The following PDPR variants were observed in gnomAD, a reference collection of about 807,000 sequenced individuals.
PDPR encodes pyruvate dehydrogenase phosphatase regulatory subunit, mitochondrial.
Under a neutral mutation model 102.2 loss-of-function variants are expected in PDPR, and 50 were observed. That is an observed-to-expected ratio of 0.49 (90% CI 0.39 to 0.62). The LOEUF (loss-of-function observed/expected upper bound fraction) is 0.62. Among genes scored for constraint, PDPR ranks in the 20% least tolerant of loss-of-function variants. The pLI is 0.00. For missense variants in PDPR, 625 were observed against 1,098.2 expected (o/e 0.57, Z 6.09); for synonymous variants, 259 against 406.0 (o/e 0.64, Z 4.35).
chr16:70,123,046 T>C (rs1273852021), intron 3 of PDPR, among the ~76,000 whole-genome samples: 1 of 152,040 alleles, frequency 6.6e-6, no homozygotes, highest in Non-Finnish European at 1.5e-5. Flanking sequence ...GATTAATAGT[T>C]GCATGCCACC....
In PDPR at chr16:70,157,339, G is replaced by A. The variant is rs1967333326; in HGVS notation, c.*460G>A. On this transcript the variant is annotated 3_prime_UTR_variant, in exon 19 of 19. Transcript: ENST00000288050. ...GTTGCCGTGTGTCGGATGCAGCCCT[G>A]AGGGGCAGCTCGTGCCTGCAGCCCG... 2 of 384,250 alleles carry A rather than the reference G, an allele frequency of 5.2e-6. No homozygotes were observed. Among genetic ancestry groups the A allele is most frequent in the Non-Finnish European group, 1.0e-5 (2 of 195,420 alleles). The allele number at this position is 384,250 out of a possible 1,614,324, so 23.8% of individuals were successfully genotyped here. A position where few individuals can be genotyped will look rare whatever the true frequency, so the allele number is the denominator to read the frequency against.
upstream of PDPR, chr16:70,114,159 G>C (rs1045325897): frequency 6.6e-6 from 1 of 152,228 alleles, no homozygotes; most frequent in African/African-American, 2.4e-5. Flanking sequence ...TGCCTCGCGA[G>C]ACCCAAACAA....
intron 3 of PDPR, among the ~76,000 whole-genome samples, chr16:70,122,176 A>G (rs575813173): frequency 1.3e-5 from 2 of 152,340 alleles, no homozygotes; most frequent in East Asian, 1.9e-4. Context: ...TAGTAGAGAC[A>G]GGATTTCACC....
chr16:70,162,772 G>A (rs1435830103), downstream of PDPR, among the ~76,000 whole-genome samples: 2 of 152,274 alleles, frequency 1.3e-5, no homozygotes, highest in African/African-American at 2.4e-5. Context: ...TCTGCCTACA[G>A]CTGACCTCAG....
intron 1 of PDPR, 77 bp from the exon 2 acceptor site, chr16:70,114,744 C>G (rs932390501): frequency 2.0e-5 from 3 of 152,420 alleles, no homozygotes; most frequent in African/African-American, 7.2e-5. Flanking sequence ...ACCTCGGGCT[C>G]CCCCGTCTCG....
At chr16:70,134,550 T>C (rs1057328763) in intron 9 of PDPR, among the ~76,000 whole-genome samples, 7 of 147,128 alleles carry the variant, frequency 4.8e-5, no homozygotes, top group Admixed American at 3.4e-4. Context: ...CCCAGCACTT[T>C]GGGAGGCCAA....
At chr16:70,122,846 T>TACACACACACACAC (rs1437017547) in intron 3 of PDPR, among the ~76,000 whole-genome samples, 1 of 61,234 alleles carries the variant, frequency 1.6e-5, no homozygotes, top group Non-Finnish European at 3.9e-5. Flanking sequence ...TATATCTGTA[T>TACACACACACACAC]ACACACATAC....
In PDPR at chr16:70,142,274, G is replaced by T; in HGVS notation, c.1356G>T (p.Gln452His). The change falls in exon 12 of 19, where the codon CAG (glutamine) becomes CAT (histidine). Residue 452 changes from glutamine to histidine, a missense_variant. Coordinates refer to ENST00000288050, the MANE Select transcript of PDPR (RefSeq NM_017990.5). ...YDLKVPRWDF[Q>H]TGRQLRTSPL... ...TGAAGGTTCCCCGCTGGGACTTCCA[G>T]ACCGGTAGGCAGTTACGCACCTCTC... The T allele has an allele frequency of 6.2e-7, 1 of 1,614,046 alleles. No homozygotes were observed. Among genetic ancestry groups the T allele is most frequent in the East Asian group, 2.2e-5 (1 of 44,890 alleles).
Position 70,158,700 on chromosome 16 carries a change from T to A in PDPR, c.*1821T>A, listed in dbSNP as rs1205081698. On this transcript the variant is annotated 3_prime_UTR_variant, in exon 19 of 19. Coordinates refer to ENST00000288050, the MANE Select transcript of PDPR (RefSeq NM_017990.5). ...TCTAGGCAGAGAGGAGGAGAGGTGT[T>A]GCCGGCTGGAGGGCCAACCAGTGAA... is the stretch of plus-strand genomic sequence containing the variant. 1.3e-5 allele frequency: 2 copies of A among 153,220 alleles called. No individual in the cohort carries two copies. Among genetic ancestry groups the A allele is most frequent in the African/African-American group, 2.4e-5 (1 of 41,502 alleles). 9.5% of individuals were successfully genotyped at this position (153,220 alleles called of 1,614,324 possible). A position where few individuals can be genotyped will look rare whatever the true frequency, so the allele number is the denominator to read the frequency against.
chr16:70,140,364 C>CA (rs1375238689), intron 11 of PDPR, among the ~76,000 whole-genome samples: 2 of 152,376 alleles, frequency 1.3e-5, no homozygotes, highest in Admixed American at 6.5e-5. Flanking sequence ...AATACAAAAT[C>CA]AAAGTTTTTT....
At chr16:70,149,497 C>T (rs541503035) in intron 17 of PDPR, among the ~76,000 whole-genome samples, 1 of 152,228 alleles carries the variant, frequency 6.6e-6, no homozygotes, top group Non-Finnish European at 1.5e-5. Context: ...AACTCCTGAC[C>T]TCAAGTGGTC....
intron 9 of PDPR, among the ~76,000 whole-genome samples, chr16:70,134,563 C>G (rs1378156823): frequency 6.7e-6 from 1 of 148,452 alleles, no homozygotes; most frequent in Admixed American, 6.8e-5. Flanking sequence ...GAGGCCAAGG[C>G]GGGCAGATCG....
At chr16:70,135,102 C>G (rs1176206655) in intron 9 of PDPR, among the ~76,000 whole-genome samples, 3 of 152,218 alleles carry the variant, frequency 2.0e-5, no homozygotes, top group Admixed American at 6.5e-5. Context: ...TGATGAGCCC[C>G]CATGTACCCA....
At position 70,123,203 on chromosome 16, in the gene PDPR, G is replaced by A. The variant is rs147467374; in HGVS notation, c.227+2484G>A. ...AGGCATGAGCCACCGTGCCCGGCCC[G>A]CAGTGGATACTTTTAAGAGCAAAAG... On this transcript the variant is annotated intron_variant, in intron 3 of 18. Coordinates refer to ENST00000288050, the MANE Select transcript of PDPR (RefSeq NM_017990.5). Among the ~76,000 whole-genome samples, 7 of 152,248 alleles carry A rather than the reference G, an allele frequency of 4.6e-5. No homozygotes were observed. The East Asian group carries it at 1.2e-3, about 25-fold the overall frequency.
chr16:70,125,708 C>T (rs1185500053), intron 3 of PDPR, among the ~76,000 whole-genome samples: 2 of 152,180 alleles, frequency 1.3e-5, no homozygotes, highest in Non-Finnish European at 1.5e-5. Flanking sequence ...AGCCTCAGCT[C>T]CTGCAACCTC....
chr16:70,145,345 C>T (rs1257117762), intron 15 of PDPR, among the ~76,000 whole-genome samples: 1 of 152,248 alleles, frequency 6.6e-6, no homozygotes, highest in African/African-American at 2.4e-5. Context: ...ACCATGTTGG[C>T]CAGGCTGGTC....
intron 17 of PDPR, among the ~76,000 whole-genome samples, chr16:70,152,739 G>A (rs1475776637): frequency 4.6e-5 from 7 of 152,396 alleles, no homozygotes; most frequent in East Asian, 1.9e-4. Flanking sequence ...ACTTAACAGC[G>A]TATGTTCAGA....
intron 2 of PDPR, among the ~76,000 whole-genome samples, chr16:70,116,538 C>G (rs1962650602): frequency 7.1e-6 from 1 of 141,046 alleles, no homozygotes; most frequent in Non-Finnish European, 1.5e-5. Flanking sequence ...GAGCCCCTCT[C>G]TACAAAAAAA....
chr16:70,151,584 G>A (rs566749001), intron 17 of PDPR, among the ~76,000 whole-genome samples: 1 of 152,406 alleles, frequency 6.6e-6, no homozygotes, highest in African/African-American at 2.4e-5. Context: ...GCCACCCAGT[G>A]GTTCAGGTGT....
Sources: gnomAD v4.1 joint callset for allele counts (sites outside exome capture counted in the v4.1 genomes callset) on GRCh38, gnomAD v4.1.1 for gene constraint, MANE v1.5 for transcripts, NCBI Gene and HGNC (gene_info 2026-07-23, HGNC 2026-07-21) for gene names.